Variants in OSBPL6 observed in about 807,000 individuals in gnomAD.
OSBPL6 encodes oxysterol-binding protein-related protein 6.
In OSBPL6, 49 loss-of-function variants were observed where a neutral mutation model predicts 125.8. The ratio of observed to expected loss-of-function variants is 0.39; its 90% CI spans 0.31 to 0.49. OSBPL6 has a LOEUF of 0.49. Among genes scored for constraint, OSBPL6 ranks in the 20% least tolerant of loss-of-function variants. The probability of loss-of-function intolerance (pLI) is 0.88; values close to 1 mark genes in which losing one functional copy is unlikely to be tolerated. For synonymous variants in OSBPL6, 394 were observed against 391.8 expected, an observed-to-expected ratio of 1.01 and a Z score of -0.07; for missense variants, 986 against 1,135.4, an observed-to-expected ratio of 0.87 and a Z score of 1.89.
intron 1 of OSBPL6, among the ~76,000 whole-genome samples, chr2:178,201,700 T>C (rs2089267203): frequency 6.6e-6 from 1 of 152,234 alleles, no homozygotes; most frequent in African/African-American, 2.4e-5. Context: ...AGACTTGTAC[T>C]GACCATCACA....
At chr2:178,392,368 A>C (rs551853824) in intron 22 of OSBPL6, 44 bp from the exon 23 acceptor site, 5 of 1,608,572 alleles carry the variant, frequency 3.1e-6, no homozygotes, top group Non-Finnish European at 4.3e-6. Flanking sequence ...TTCCAGTTCC[A>C]TAAACCTTCT....
chr2:178,207,348 C>T (rs553610343), intron 1 of OSBPL6, among the ~76,000 whole-genome samples: 1 of 152,262 alleles, frequency 6.6e-6, no homozygotes, highest in South Asian at 2.1e-4. Flanking sequence ...TGTCAGAACT[C>T]TCTCTGCCTC....
chr2:178,347,611 C>T (rs1439692786), intron 11 of OSBPL6, among the ~76,000 whole-genome samples: 2 of 152,168 alleles, frequency 1.3e-5, no homozygotes, highest in African/African-American at 4.8e-5. Context: ...CCTAAAAGGT[C>T]CTCAGTCCTT....
chr2:178,260,017 C>A (rs767174058), intron 1 of OSBPL6, among the ~76,000 whole-genome samples: 7 of 152,154 alleles, frequency 4.6e-5, no homozygotes, highest in Admixed American at 6.5e-5. Context: ...TTAGGAGATG[C>A]AAAATGGTAA....
intron 15 of OSBPL6, among the ~76,000 whole-genome samples, chr2:178,377,144 G>A (rs1693949234): frequency 6.6e-6 from 1 of 152,162 alleles, no homozygotes; most frequent in Non-Finnish European, 1.5e-5. Context: ...ATTTATAAAG[G>A]AAACAGGTTT....
At chr2:178,355,821 C>G (rs967822079) in intron 12 of OSBPL6, among the ~76,000 whole-genome samples, 2 of 152,214 alleles carry the variant, frequency 1.3e-5, no homozygotes, top group African/African-American at 2.4e-5. Context: ...TGATGAACAT[C>G]AGTGCAAAAA....
chr2:178,335,473 A>G (rs187682559), intron 8 of OSBPL6, among the ~76,000 whole-genome samples: 188 of 152,282 alleles, frequency 1.2e-3, no homozygotes, highest in Non-Finnish European at 2.1e-3. Flanking sequence ...CCTGTCTTCT[A>G]CATATCAAAT....
chr2:178,395,348 A>G (rs941903215), intron 24 of OSBPL6, 103 bp from the exon 25 acceptor site: 2 of 739,568 alleles, frequency 2.7e-6, no homozygotes, highest in Admixed American at 5.5e-5. Flanking sequence ...TAACTGGCTT[A>G]CAAACACTGC....
At position 178,224,997 on chromosome 2, in the gene OSBPL6, CTCTCTT is replaced by C. The variant is rs2090490505; in HGVS notation, c.-351+30329_-351+30334del. On this transcript the variant is annotated intron_variant, in intron 1 of 24. Coordinates refer to ENST00000190611, the MANE Select transcript of OSBPL6 (RefSeq NM_032523.4). ...TCTTTATCTCTCTCTGCTTCTCTCT[CTCTCTT>C]TCTCTCTCTCTCTCTCTCTCTCTGA... Among the ~76,000 whole-genome samples, 14 of 51,834 alleles carry C rather than the reference CTCTCTT, an allele frequency of 2.7e-4. No homozygotes were observed. The South Asian group carries it at 3.2e-3, about 12-fold the overall frequency. The allele number at this position is 51,834 out of a possible 152,430, so 34.0% of individuals were successfully genotyped here.
At chr2:178,298,706 G>GTTTTTTTTTTTTTT (rs760113201) in intron 2 of OSBPL6, among the ~76,000 whole-genome samples, 2 of 134,632 alleles carry the variant, frequency 1.5e-5, no homozygotes, top group Non-Finnish European at 3.2e-5. Context: ...TTTTTTTTTT[G>GTTTTTTTTTTTTTT]TTTTTTTTTT....
chr2:178,204,654 A>C (rs2089439818), intron 1 of OSBPL6, among the ~76,000 whole-genome samples: 1 of 152,220 alleles, frequency 6.6e-6, no homozygotes. Context: ...TCAGTCCTTC[A>C]TCTTGGCCAG....
chr2:178,354,499 A>G (rs1691585773), intron 12 of OSBPL6, among the ~76,000 whole-genome samples: 1 of 152,232 alleles, frequency 6.6e-6, no homozygotes, highest in Admixed American at 6.5e-5. Flanking sequence ...GAAGGCCATT[A>G]CATAATGGTA....
At chr2:178,338,540 T>C (rs1456394758) in intron 9 of OSBPL6, among the ~76,000 whole-genome samples, 1 of 152,206 alleles carries the variant, frequency 6.6e-6, no homozygotes, top group Non-Finnish European at 1.5e-5. Flanking sequence ...ACAGAAAATA[T>C]GTTTAACTGA....
chr2:178,307,317 C>A (rs1247886826), intron 3 of OSBPL6, among the ~76,000 whole-genome samples: 1 of 151,884 alleles, frequency 6.6e-6, no homozygotes, highest in African/African-American at 2.4e-5. Flanking sequence ...TTTAGGAAAC[C>A]CTCCCAACAC....
At chr2:178,230,845 C>T (rs2090785877) in intron 1 of OSBPL6, among the ~76,000 whole-genome samples, 1 of 152,116 alleles carries the variant, frequency 6.6e-6, no homozygotes, top group South Asian at 2.1e-4. Context: ...AAATACATGT[C>T]TGATTGTTAA....
chr2:178,275,448 G>T (rs1298898224), intron 1 of OSBPL6, among the ~76,000 whole-genome samples: 1 of 152,170 alleles, frequency 6.6e-6, no homozygotes, highest in Non-Finnish European at 1.5e-5. Context: ...GAAGCCGGAG[G>T]TTGCAGTGAG....
chr2:178,269,655 A>G (rs1212881534), intron 1 of OSBPL6, among the ~76,000 whole-genome samples: 1 of 152,160 alleles, frequency 6.6e-6, no homozygotes, highest in Non-Finnish European at 1.5e-5. Flanking sequence ...TCATATTTCC[A>G]GACTCCAAAC....
At chr2:178,303,379 A>C (rs1429126787) in intron 2 of OSBPL6, among the ~76,000 whole-genome samples, 3 of 152,176 alleles carry the variant, frequency 2.0e-5, no homozygotes. Flanking sequence ...GTTTACAAAA[A>C]TTCCCCCTGT....
intron 13 of OSBPL6, among the ~76,000 whole-genome samples, chr2:178,367,626 A>G (rs963434705): frequency 6.6e-6 from 1 of 152,170 alleles, no homozygotes; most frequent in Non-Finnish European, 1.5e-5. Context: ...GGAGGTGGCA[A>G]TTTAGGTAAT....
Sources: allele counts gnomAD v4.1 joint callset (sites outside exome capture counted in the v4.1 genomes callset), GRCh38; gene constraint gnomAD v4.1.1; transcripts MANE v1.5; gene names NCBI Gene and HGNC (gene_info 2026-07-23, HGNC 2026-07-21).